Variants in TRPM7 observed in about 807,000 individuals in gnomAD.
The protein encoded by TRPM7 is LTRPC ion channel family member 7.
A neutral mutation model predicts 229.7 loss-of-function variants in TRPM7; 134 were observed. The observed-to-expected ratio is 0.58, with a 90% CI of 0.51 to 0.67. The LOEUF (loss-of-function observed/expected upper bound fraction) is 0.67, where lower values mean the gene tolerates loss of function less well. Among genes scored for constraint, TRPM7 ranks in the 30% least tolerant of loss-of-function variants. TRPM7 has a pLI of 0.00. For synonymous variants in TRPM7, 699 were observed against 715.2 expected (o/e 0.98, Z 0.36); for missense variants, 1,901 against 2,210.0 (o/e 0.86, Z 2.80).
At chr15:50,652,980 C>A (rs1309127880) in intron 3 of TRPM7, among the ~76,000 whole-genome samples, 1 of 152,104 alleles carries the variant, frequency 6.6e-6, no homozygotes, top group Non-Finnish European at 1.5e-5. Context: ...GACAACATGG[C>A]AAAACTCCTT....
rs397939673 is a variant in TRPM7, at chr15:50,559,058, ATT to A, written c.*2618_*2619del. 2.1e-5 allele frequency: 3 copies of A among 143,524 alleles called. No individual in the cohort carries two copies. 8.9% of individuals were successfully genotyped at this position (143,524 alleles called of 1,614,324 possible). On this transcript the variant is annotated 3_prime_UTR_variant, in exon 39 of 39. Coordinates refer to ENST00000646667, the MANE Select transcript of TRPM7 (RefSeq NM_017672.6). Reference sequence around the variant, plus strand: ...CAGGTGCACACCATCACATCCAGTTATTTTTTTTTTTTTGACGGAGTCTCGCA... The same window carrying A: ...CAGGTGCACACCATCACATCCAGTTATTTTTTTTTTTGACGGAGTCTCGCA...
At chr15:50,615,252 T>C (rs1426919913) in intron 13 of TRPM7, among the ~76,000 whole-genome samples, 1 of 151,510 alleles carries the variant, frequency 6.6e-6, no homozygotes, top group Non-Finnish European at 1.5e-5. Context: ...TACAAAAAAT[T>C]GCATTTTTCT....
intron 28 of TRPM7, among the ~76,000 whole-genome samples, chr15:50,585,629 A>T (rs562915723): frequency 3.3e-5 from 5 of 152,332 alleles, no homozygotes; most frequent in Admixed American, 3.3e-4. Flanking sequence ...TTTGAATGTT[A>T]AGACAACTTT....
In TRPM7 at chr15:50,632,942, G is replaced by GT; in HGVS notation, c.1057dup (p.Thr353AsnfsTer3). 4 of 1,605,340 alleles carry GT rather than the reference G, an allele frequency of 2.5e-6. No homozygotes were observed. Among genetic ancestry groups the GT allele is most frequent in the Non-Finnish European group, 2.5e-6 (3 of 1,176,868 alleles). ...TGCTTCATTCTGGCCAAAGTTAAATGTTTTTTTGATAGTGGAAATAATATC... is the reference window on the plus strand; with the variant it reads ...TGCTTCATTCTGGCCAAAGTTAAATGTTTTTTTTGATAGTGGAAATAATATC... On this transcript the variant is annotated frameshift_variant, in exon 9 of 39. Transcript: ENST00000646667. LOFTEE classifies it high-confidence loss of function.
chr15:50,679,198 G>A (rs1009788251), intron 1 of TRPM7, among the ~76,000 whole-genome samples: 1 of 134,850 alleles, frequency 7.4e-6, no homozygotes, highest in African/African-American at 3.0e-5. Context: ...TAGCCAGGTT[G>A]GTGGTATGGG....
chr15:50,589,437 A>G (rs1337543368), intron 27 of TRPM7, among the ~76,000 whole-genome samples, 155 bp downstream of exon 27: 3 of 151,914 alleles, frequency 2.0e-5, no homozygotes, highest in African/African-American at 7.2e-5. Flanking sequence ...TCATTTTTTC[A>G]AACTGAGGAC....
At chr15:50,635,894 G>A (rs1004967146) in intron 7 of TRPM7, among the ~76,000 whole-genome samples, 2 of 150,386 alleles carry the variant, frequency 1.3e-5, no homozygotes, top group East Asian at 2.0e-4. Flanking sequence ...GATGAGAATC[G>A]CTTGAACCCA....
chr15:50,599,340 A>G (rs762989405), intron 21 of TRPM7, 44 bp from the exon 22 acceptor site: 1 of 1,404,514 alleles, frequency 7.1e-7, no homozygotes, highest in East Asian at 2.3e-5. Context: ...AAGTTTAAAC[A>G]CTATGACAAA....
At chr15:50,657,917 ATACC>A (rs147148942) in intron 2 of TRPM7, 98 bp from the exon 3 acceptor site, 34,689 of 846,920 alleles carry the variant, frequency 0.041, 1,060 homozygotes, top group African/African-American at 0.1. Flanking sequence ...AAAAAATTAT[ATACC>A]TAGTTTAATT....
intron 2 of TRPM7, among the ~76,000 whole-genome samples, chr15:50,660,013 A>G (rs1314306989): frequency 6.6e-6 from 1 of 152,174 alleles, no homozygotes; most frequent in African/African-American, 2.4e-5. Context: ...TCTCCGGAAG[A>G]AAAATGGTAT....
At chr15:50,653,986 G>GTA (rs1248152867) in intron 3 of TRPM7, among the ~76,000 whole-genome samples, 1 of 152,082 alleles carries the variant, frequency 6.6e-6, no homozygotes, top group Admixed American at 6.6e-5. Flanking sequence ...TAAGAGGAAG[G>GTA]TCCACATCCT....
Position 50,632,890 on chromosome 15 carries a change from C to T in TRPM7, c.1110G>A (p.Glu370=). 6.3e-7 allele frequency: 1 copy of T among 1,575,606 alleles called. No homozygotes were observed. The highest frequency in any genetic ancestry group is 8.6e-7 in the Non-Finnish European group (1 of 1,165,166). Residue 370 remains glutamate (E), a synonymous_variant, in exon 9 of 39, where the codon GAG becomes GAA. Transcript: ENST00000646667. ...TTACAAGCTCCTTTCTTTTCATGCA[C>T]TCCATCAGTGTTTGAAATAAATGAA... is the stretch of plus-strand genomic sequence containing the variant. ...EALHLFQTLM[E]CMKRKELITV...
chr15:50,633,024 T>G (rs746665555), intron 8 of TRPM7, 32 bp from the exon 9 acceptor site: 3 of 1,561,562 alleles, frequency 1.9e-6, no homozygotes, highest in Admixed American at 4.2e-5. Context: ...TTCACTGATT[T>G]CATCTTCCAT....
At position 50,639,623 on chromosome 15, in the gene TRPM7, G is replaced by C; in HGVS notation, c.536-75C>G. ...ACAGGGTCACCCAGGAAAGAGAGCA[G>C]TGGCGCAATGACAGCTCACTGCAGC... On this transcript the variant is annotated intron_variant, in intron 5 of 38. Coordinates refer to ENST00000646667, the MANE Select transcript of TRPM7 (RefSeq NM_017672.6). 3 of 1,389,018 alleles carry C rather than the reference G, an allele frequency of 2.2e-6. 1 individual carries two copies. The South Asian group carries it at 4.1e-5, about 19-fold the overall frequency. The allele number at this position is 1,389,018 out of a possible 1,614,324, so 86.0% of individuals were successfully genotyped here. A position where few individuals can be genotyped will look rare whatever the true frequency, so the allele number is the denominator to read the frequency against.
intron 7 of TRPM7, among the ~76,000 whole-genome samples, chr15:50,636,576 C>T (rs2060914862): frequency 6.6e-6 from 1 of 152,028 alleles, no homozygotes; most frequent in Non-Finnish European, 1.5e-5. Context: ...TTCACTTTAC[C>T]ACAGAGCTCA....
chr15:50,622,354 A>G (rs957305619), intron 12 of TRPM7, among the ~76,000 whole-genome samples: 1 of 152,212 alleles, frequency 6.6e-6, no homozygotes, highest in African/African-American at 2.4e-5. Context: ...AACTTCATCA[A>G]TAATTGATGC....
intron 36 of TRPM7, among the ~76,000 whole-genome samples, chr15:50,570,748 G>A (rs114969193): frequency 0.058 from 8,693 of 150,762 alleles, 323 homozygotes; most frequent in African/African-American, 0.1. Flanking sequence ...AGCTACTTTC[G>A]GGAGGCTGAG....
intron 2 of TRPM7, among the ~76,000 whole-genome samples, chr15:50,662,326 CAA>C (rs34002511): frequency 4.8e-5 from 6 of 124,618 alleles, no homozygotes; most frequent in Non-Finnish European, 5.3e-5. Context: ...GACTCTGTTC[CAA>C]AAAAAAAAAA....
At chr15:50,619,711 T>A in intron 13 of TRPM7, 34 bp downstream of exon 13, 1 of 1,504,376 alleles carries the variant, frequency 6.6e-7, no homozygotes, top group Non-Finnish European at 9.0e-7. Context: ...TTTTTTAAAA[T>A]AACATTTTTC....
Sources: allele counts gnomAD v4.1 joint callset (sites outside exome capture counted in the v4.1 genomes callset), GRCh38; gene constraint gnomAD v4.1.1; transcripts MANE v1.5; gene names NCBI Gene and HGNC (gene_info 2026-07-23, HGNC 2026-07-21).